The following CCM2 variants were observed in gnomAD, a reference collection of about 807,000 sequenced individuals.
CCM2 encodes the protein cerebral cavernous malformations 2 protein.
A neutral mutation model predicts 44.9 loss-of-function variants in CCM2; 25 were observed. The ratio of observed to expected loss-of-function variants is 0.56; its 90% CI spans 0.41 to 0.78. The LOEUF is 0.78. CCM2 is among the 30% of genes least tolerant of loss of function. The probability of loss-of-function intolerance (pLI) is 0.00; values close to 1 mark genes in which losing one functional copy is unlikely to be tolerated. For missense variants in CCM2, 481 were observed against 580.6 expected (o/e 0.83, Z 1.76); for synonymous variants, 219 against 241.1 (o/e 0.91, Z 0.85).
chr7:45,022,045 G>A (rs1321159500), intron 1 of CCM2, among the ~76,000 whole-genome samples: 1 of 152,158 alleles, frequency 6.6e-6, no homozygotes, highest in Non-Finnish European at 1.5e-5. Context: ...ACACCTAGAA[G>A]CAATGACAGT....
In CCM2 at chr7:45,076,226, G is replaced by C. The variant is rs114844860; in HGVS notation, c.*169G>C. 1.3e-4 allele frequency: 118 copies of C among 921,592 alleles called. No individual in the cohort carries two copies. The African/African-American group carries it at 1.8e-3, about 14-fold the overall frequency. 57.1% of individuals were successfully genotyped at this position (921,592 alleles called of 1,614,324 possible). On this transcript the variant is annotated 3_prime_UTR_variant, in exon 10 of 10. Transcript: ENST00000258781. ...CTCTACTGTGAAGGAGCAGGGAGCT[G>C]CCGAGGGACACGAGCCTCAGTGCGG...
intron 1 of CCM2, among the ~76,000 whole-genome samples, chr7:45,003,958 TCACTTGAGCCTAG>T (rs1195950363): frequency 6.6e-6 from 1 of 152,166 alleles, no homozygotes; most frequent in Non-Finnish European, 1.5e-5. Flanking sequence ...GGTGGGAGGA[TCACTTGAGCCTAG>T]GAGTTTGAGA....
intron 2 of CCM2, among the ~76,000 whole-genome samples, chr7:45,046,778 A>G (rs1489500592): frequency 6.6e-6 from 1 of 152,224 alleles, no homozygotes; most frequent in Admixed American, 6.5e-5. Flanking sequence ...ATAAAAGACA[A>G]TGAAAACATA....
chr7:45,065,843 C>T (rs1798746699), intron 4 of CCM2, among the ~76,000 whole-genome samples: 1 of 152,188 alleles, frequency 6.6e-6, no homozygotes, highest in South Asian at 2.1e-4. Context: ...GGGTTGGTGG[C>T]TCCTTCCAGC....
chr7:45,068,121 C>T (rs577401465), intron 4 of CCM2: 3 of 418,400 alleles, frequency 7.2e-6, no homozygotes, highest in South Asian at 2.1e-5. Context: ...GAAGGGAACT[C>T]CCCAGAACAC....
intron 2 of CCM2, among the ~76,000 whole-genome samples, chr7:45,051,288 G>A (rs1797990133): frequency 2.0e-5 from 3 of 152,182 alleles, no homozygotes; most frequent in Non-Finnish European, 2.9e-5. Flanking sequence ...TGGTTTAGAT[G>A]TATACTGCAT....
Position 45,073,412 on chromosome 7 carries a change from A to C in CCM2, c.804-48A>C, listed in dbSNP as rs141325870. On this transcript the variant is annotated intron_variant, in intron 7 of 9. Coordinates refer to ENST00000258781, the MANE Select transcript of CCM2 (RefSeq NM_031443.4). ...CTAGGTTTCCTGAAACGTGTGTGGG[A>C]TGGAGGGTCGGGGAAGCCACCCGCT... The C allele has an allele frequency of 4.8e-4, 634 of 1,310,684 alleles. 3 individuals carry two copies. The African/African-American group carries it at 8.1e-3, about 17-fold the overall frequency. The allele number at this position is 1,310,684 out of a possible 1,614,324, so 81.2% of individuals were successfully genotyped here. A position where few individuals can be genotyped will look rare whatever the true frequency, so the allele number is the denominator to read the frequency against.
intron 2 of CCM2, among the ~76,000 whole-genome samples, chr7:45,060,024 T>G (rs1000569011): frequency 6.6e-6 from 1 of 152,222 alleles, no homozygotes; most frequent in Non-Finnish European, 1.5e-5. Flanking sequence ...AATAAAAGAT[T>G]AATTTTACCT....
intron 2 of CCM2, among the ~76,000 whole-genome samples, chr7:45,039,745 G>A (rs1797390329): frequency 6.6e-6 from 1 of 152,164 alleles, no homozygotes; most frequent in Admixed American, 6.5e-5. Flanking sequence ...CTGTTAATTA[G>A]GCCAGGTGCG....
chr7:45,030,088 C>T (rs1294964), intron 1 of CCM2, among the ~76,000 whole-genome samples: 131,866 of 152,176 alleles, frequency 0.87, 57,445 homozygotes, highest in African/African-American at 0.96. Context: ...GTCCCTTCGA[C>T]CCTCACAGCC....
intron 1 of CCM2, among the ~76,000 whole-genome samples, chr7:45,010,920 T>C (rs913831494): frequency 3.9e-5 from 6 of 152,204 alleles, no homozygotes; most frequent in African/African-American, 1.4e-4. Flanking sequence ...TATGTGAACA[T>C]GTTTTCATTT....
At chr7:45,023,268 G>A (rs988335813) in intron 1 of CCM2, among the ~76,000 whole-genome samples, 5 of 151,964 alleles carry the variant, frequency 3.3e-5, no homozygotes, top group East Asian at 1.9e-4. Context: ...CTTTATTTAC[G>A]GCTGGGTGCA....
At chr7:45,025,919 G>T (rs763333252) in intron 1 of CCM2, among the ~76,000 whole-genome samples, 2 of 152,158 alleles carry the variant, frequency 1.3e-5, no homozygotes, top group Non-Finnish European at 2.9e-5. Context: ...TAGAATGTAG[G>T]TTCCTGTGCC....
At chr7:45,073,614 GGTGCC>G (rs1450397343) in intron 8 of CCM2, 43 bp downstream of exon 8, 1 of 1,434,100 alleles carries the variant, frequency 7.0e-7, no homozygotes, top group Non-Finnish European at 9.7e-7. Context: ...TGAGGGAGGG[GGTGCC>G]CCAGGGAGGA....
At chr7:45,041,904 T>C (rs1175382273) in intron 2 of CCM2, among the ~76,000 whole-genome samples, 1 of 152,114 alleles carries the variant, frequency 6.6e-6, no homozygotes, top group Non-Finnish European at 1.5e-5. Context: ...ACTCTTATCA[T>C]ACCCAGCAGT....
intron 2 of CCM2, chr7:45,063,094 TG>T (rs1440401555): frequency 1.3e-5 from 2 of 151,574 alleles, no homozygotes; most frequent in African/African-American, 4.9e-5. Flanking sequence ...TTTTTTGAGA[TG>T]GAGTTTTGCT....
rs560338124 is a variant in CCM2 at position 45,027,609 on chromosome 7, G to A, written c.31-10644G>A. ...AGCTTCAGTGGCTTTGCAGAAGGAA[G>A]CTGTGGTTTCTGGTCTTCCTGTTCA... On this transcript the variant is annotated intron_variant, in intron 1 of 9. Transcript: ENST00000258781. 77 of 1,610,700 alleles carry A rather than the reference G, an allele frequency of 4.8e-5. No individual in the cohort carries two copies. In the African/African-American group the frequency reaches 9.6e-4, roughly 20 times the overall value.
At chr7:45,012,892 A>G (rs1221126655) in intron 1 of CCM2, among the ~76,000 whole-genome samples, 1 of 152,068 alleles carries the variant, frequency 6.6e-6, no homozygotes, top group African/African-American at 2.4e-5. Context: ...GTGTCTTTCA[A>G]CAAGTCTGGA....
rs58194439 is a variant in CCM2 at position 45,073,113 on chromosome 7, A to G, written c.803+330A>G. On this transcript the variant is annotated intron_variant, in intron 7 of 9. Coordinates refer to ENST00000258781, the MANE Select transcript of CCM2 (RefSeq NM_031443.4). ...GGCCTTCCAGCCCATCTCTGCCACCACCTGGGGCTCTGTAGTAGTTCACCC... is the reference window on the plus strand; with the variant it reads ...GGCCTTCCAGCCCATCTCTGCCACCGCCTGGGGCTCTGTAGTAGTTCACCC... 0.21 allele frequency: 123,876 copies of G among 578,256 alleles called. 13,601 individuals carry two copies. Among genetic ancestry groups the G allele is most frequent in the Admixed American group, 0.28 (9,358 of 33,482 alleles). 35.8% of individuals were successfully genotyped at this position (578,256 alleles called of 1,614,324 possible). A position where few individuals can be genotyped will look rare whatever the true frequency, so the allele number is the denominator to read the frequency against.
Sources: allele counts gnomAD v4.1 joint callset (sites outside exome capture counted in the v4.1 genomes callset), GRCh38; gene constraint gnomAD v4.1.1; transcripts MANE v1.5; gene names NCBI Gene and HGNC (gene_info 2026-07-23, HGNC 2026-07-21).